TMEM245: variants seen among roughly 807,000 people sequenced by gnomAD.
TMEM245 encodes transmembrane protein 245.
In TMEM245, 69 loss-of-function variants were observed where a neutral mutation model predicts 101.2. The observed-to-expected ratio is 0.68, with a 90% CI of 0.56 to 0.83. TMEM245 has a LOEUF of 0.83. TMEM245 is among the 40% of genes least tolerant of loss of function. The pLI is 0.00. For synonymous variants in TMEM245, 537 were observed against 449.8 expected, an observed-to-expected ratio of 1.19 and a Z score of -2.45; for missense variants, 1,075 against 1,092.8, an observed-to-expected ratio of 0.98 and a Z score of 0.23.
chr9:109,104,472 G>A (rs752826137), intron 3 of TMEM245, among the ~76,000 whole-genome samples: 9 of 151,990 alleles, frequency 5.9e-5, no homozygotes, highest in Admixed American at 4.6e-4. Flanking sequence ...GCTCCCCCCC[G>A]CCCACAAGTG....
chr9:109,106,026 C>A (rs550431854), intron 3 of TMEM245, among the ~76,000 whole-genome samples: 116 of 152,274 alleles, frequency 7.6e-4, no homozygotes, highest in African/African-American at 2.7e-3. Flanking sequence ...CTTGCCTCAG[C>A]CTCCCAAAGT....
chr9:109,110,084 T>C (rs143687314), intron 1 of TMEM245, among the ~76,000 whole-genome samples: 192 of 152,264 alleles, frequency 1.3e-3, no homozygotes, highest in African/African-American at 4.3e-3. Flanking sequence ...TTAAAGAGCT[T>C]TGAAGCTCAA....
intron 1 of TMEM245, among the ~76,000 whole-genome samples, chr9:109,110,570 T>TA (rs56033581): frequency 0.68 from 102,330 of 151,162 alleles, 34,913 homozygotes; most frequent in Admixed American, 0.74. Context: ...TTGTTGAAAT[T>TA]AAAAAAAAAT....
chr9:109,068,762 A>G (rs1268392713), intron 9 of TMEM245, among the ~76,000 whole-genome samples: 2 of 152,238 alleles, frequency 1.3e-5, no homozygotes, highest in Non-Finnish European at 2.9e-5. Flanking sequence ...CAAAAAGCCA[A>G]TCTCAAAAGG....
In TMEM245 at chr9:109,091,187, C is replaced by T. The variant is rs752949561; in HGVS notation, c.917-32G>A. On this transcript the variant is annotated intron_variant, in intron 4 of 17. Transcript: ENST00000374586. ...AGGAAAAGAAAAACACCACACACCGCATTAGTCCACATGAGGAAATGGGAA... is the reference window on the plus strand; with the variant it reads ...AGGAAAAGAAAAACACCACACACCGTATTAGTCCACATGAGGAAATGGGAA... The T allele has an allele frequency of 1.3e-5, 20 of 1,565,518 alleles. No individual in the cohort carries two copies. In the South Asian group the frequency reaches 2.3e-4, roughly 18 times the overall value.
At position 109,106,624 on chromosome 9, in the gene TMEM245, G is replaced by A. The variant is rs1400988704; in HGVS notation, c.698-15C>T. On this transcript the variant is annotated splice_polypyrimidine_tract_variant and intron_variant, in intron 2 of 17. Coordinates refer to ENST00000374586, the MANE Select transcript of TMEM245 (RefSeq NM_032012.4). ...AGCCAGGGATGCTGCAAATTATTAA[G>A]AATTAACATTTTTAGTGAAATAAAA... is the stretch of plus-strand genomic sequence containing the variant. The A allele has an allele frequency of 8.3e-6, 13 of 1,573,508 alleles. No individual in the cohort carries two copies. Among genetic ancestry groups the A allele is most frequent in the Non-Finnish European group, 1.1e-5 (13 of 1,153,844 alleles).
chr9:109,101,076 C>A (rs1480860313), intron 3 of TMEM245, among the ~76,000 whole-genome samples: 1 of 152,112 alleles, frequency 6.6e-6, no homozygotes, highest in Non-Finnish European at 1.5e-5. Context: ...CACACCACCA[C>A]TGCACTCCAG....
rs1828638843 is a variant in TMEM245, at chr9:109,050,394, C to G, written c.2012G>C (p.Ser671Thr). Residue 671 changes from serine (S) to threonine (T), a missense_variant, in exon 14 of 18, where the codon AGT (serine) becomes ACT (threonine). Around this residue, in one of 2 missense-constraint regions of TMEM245, gnomAD observed 267 missense variants for 351.3 expected, o/e 0.76. Transcript: ENST00000374586. Reference protein sequence around the residue: ...IFLTTLFYLLSSSDEYYKPVK... With the variant: ...IFLTTLFYLLTSSDEYYKPVK... ...TGGCTTGTAGTACTCATCACTGGAA[C>G]TTAATAGATAAAATAGTGTGGTCAG... 1 of 1,613,886 alleles carries G rather than the reference C, an allele frequency of 6.2e-7. No homozygotes were observed. The highest frequency in any genetic ancestry group is 1.7e-5 in the Admixed American group (1 of 59,982).
chr9:109,062,698 C>A (rs1212323056), intron 10 of TMEM245, among the ~76,000 whole-genome samples: 2 of 152,184 alleles, frequency 1.3e-5, no homozygotes, highest in African/African-American at 2.4e-5. Context: ...GGCCAGGCAT[C>A]GTGGCTCATG....
chr9:109,080,906 A>C lies in TMEM245; in HGVS notation c.1382T>G (p.Ile461Ser), dbSNP rs759759716. The C allele has an allele frequency of 2.5e-6, 4 of 1,610,300 alleles. No homozygotes were observed. The highest frequency in any genetic ancestry group is 3.4e-6 in the Non-Finnish European group (4 of 1,177,328). Residue 461 changes from isoleucine to serine, a missense_variant, in exon 8 of 18, where the codon ATT becomes AGT. Physicochemically the swap from Ile to Ser is moderately radical, Grantham distance 142. Transcript: ENST00000374586. ...TAACAAAAATATGATGAAAATGCTAATTATTTTATCTAACATCTTCTCCAA... is the reference window on the plus strand; with the variant it reads ...TAACAAAAATATGATGAAAATGCTACTTATTTTATCTAACATCTTCTCCAA... ...IWLEKMLDKI[I>S]SIFIIFLLVI...
intron 17 of TMEM245, 31 bp from the exon 18 acceptor site, chr9:109,020,536 G>C (rs748125263): frequency 1.9e-6 from 3 of 1,594,738 alleles, no homozygotes; most frequent in Non-Finnish European, 2.6e-6. Context: ...ATGATTAGTT[G>C]ATTACCATAA....
chr9:109,087,989 C>A (rs1829890350), intron 5 of TMEM245, among the ~76,000 whole-genome samples: 1 of 152,202 alleles, frequency 6.6e-6, no homozygotes, highest in Non-Finnish European at 1.5e-5. Context: ...CACTCTCAAA[C>A]CACACTGTCT....
At chr9:109,081,268 T>C (rs900639941) in intron 7 of TMEM245, among the ~76,000 whole-genome samples, 12 of 152,170 alleles carry the variant, frequency 7.9e-5, no homozygotes, top group African/African-American at 2.9e-4. Context: ...AAACAAAATA[T>C]TGACAATCCA....
At chr9:109,112,996 A>C (rs2132666557) in intron 1 of TMEM245, among the ~76,000 whole-genome samples, 1 of 152,266 alleles carries the variant, frequency 6.6e-6, no homozygotes, top group East Asian at 1.9e-4. Context: ...GAATTGCTTG[A>C]ACCCGGGAGG....
chr9:109,081,299 T>C (rs1444924223), intron 7 of TMEM245, among the ~76,000 whole-genome samples: 2 of 152,312 alleles, frequency 1.3e-5, no homozygotes, highest in South Asian at 4.1e-4. Flanking sequence ...TAAAATCTTA[T>C]GAAGCTGTAT....
chr9:109,104,717 G>A (rs1830365446), intron 3 of TMEM245, among the ~76,000 whole-genome samples: 2 of 151,998 alleles, frequency 1.3e-5, no homozygotes, highest in South Asian at 4.1e-4. Flanking sequence ...CAACAGAAAG[G>A]GCAGAAATAA....
Position 109,119,820 on chromosome 9 carries a change from C to A in TMEM245, c.94G>T (p.Gly32Cys). ...RVPRAVGPSG[G>C]GGETPRTAAL... ...GCGGTCCGCGGGGTCTCCCCGCCACCGCCACTCGGCCCGACCGCGCGCGGG... is the reference window on the plus strand; with the variant it reads ...GCGGTCCGCGGGGTCTCCCCGCCACAGCCACTCGGCCCGACCGCGCGCGGG... The change falls in exon 1 of 18, where the codon GGT (glycine) becomes TGT (cysteine). Residue 32 changes from glycine to cysteine, a missense_variant. By Grantham distance (159) the Gly-to-Cys change is radical. Around this residue, in one of 2 missense-constraint regions of TMEM245, gnomAD observed 808 missense variants for 741.5 expected, o/e 1.09. Transcript: ENST00000374586. 5.6e-6 allele frequency: 8 copies of A among 1,434,658 alleles called. No individual in the cohort carries two copies. Among genetic ancestry groups the A allele is most frequent in the Non-Finnish European group, 6.4e-6 (7 of 1,096,900 alleles). The allele number at this position is 1,434,658 out of a possible 1,614,324, so 88.9% of individuals were successfully genotyped here. A position where few individuals can be genotyped will look rare whatever the true frequency, so the allele number is the denominator to read the frequency against.
chr9:109,086,488 T>A (rs1345216148), intron 6 of TMEM245, among the ~76,000 whole-genome samples: 2 of 152,172 alleles, frequency 1.3e-5, no homozygotes, highest in African/African-American at 2.4e-5. Context: ...TACACACTTT[T>A]CCTACACAAA....
At chr9:109,086,732 C>T (rs188923442) in intron 6 of TMEM245, among the ~76,000 whole-genome samples, 16 of 152,314 alleles carry the variant, frequency 1.1e-4, no homozygotes, top group Admixed American at 7.2e-4. Flanking sequence ...TTATCAACTG[C>T]TGTCTTTCCC....
Sources: gnomAD v4.1 joint callset for allele counts (sites outside exome capture counted in the v4.1 genomes callset) on GRCh38, gnomAD v4.1.1 for gene constraint, gnomAD v4.1.1 regional missense constraint, MANE v1.5 for transcripts, NCBI Gene and HGNC (gene_info 2026-07-23, HGNC 2026-07-21) for gene names.